Variants in PLCB2 observed in about 807,000 individuals in gnomAD.
PLCB2 encodes 1-phosphatidylinositol 4,5-bisphosphate phosphodiesterase beta-2.
In PLCB2, 115 loss-of-function variants were observed where a neutral mutation model predicts 141.7. That is an observed-to-expected ratio of 0.81 (90% confidence interval 0.70 to 0.95). PLCB2 has a LOEUF of 0.95. Ranked by LOEUF, PLCB2 falls within the 40% of genes least tolerant of loss-of-function variation. The pLI is 0.00. For synonymous variants in PLCB2, 603 were observed against 595.6 expected, an observed-to-expected ratio of 1.01 and a Z score of -0.18; for missense variants, 1,403 against 1,541.1, an observed-to-expected ratio of 0.91 and a Z score of 1.50.
At position 40,294,938 on chromosome 15, in the gene PLCB2, A is replaced by G. The variant is rs373270868; in HGVS notation, c.1904T>C (p.Met635Thr). The change falls in exon 18 of 32, where the codon ATG (methionine) becomes ACG (threonine). Residue 635 changes from methionine to threonine, a missense_variant and splice_region_variant. By Grantham distance (81) the Met-to-Thr change is moderately conservative. Around this residue, in one of 4 missense-constraint regions of PLCB2, gnomAD observed 975 missense variants for 1,141.1 expected, o/e 0.85. Coordinates refer to ENST00000260402, the MANE Select transcript of PLCB2 (RefSeq NM_004573.3). ...TAGGGGCCTGGGAATGCCCTCACCC[A>G]TCGTCTGGAAGTTGAGGGCAACCAT... is the stretch of plus-strand genomic sequence containing the variant. ...CQMVALNFQTMDLPMQQNMAV... is the reference protein window; with the variant it reads ...CQMVALNFQTTDLPMQQNMAV... 1.3e-3 allele frequency: 2,096 copies of G among 1,614,024 alleles called. 35 individuals carry two copies. The South Asian group carries it at 0.021, about 17-fold the overall frequency.
rs2040298771 is a variant in PLCB2 at position 40,297,738 on chromosome 15, A to T, written c.1239-133T>A. ...GCTGGGACTCGAGCAGGAGAACATG[A>T]GGCCTTAGGGTGATTATACTGAGAC... is the stretch of plus-strand genomic sequence containing the variant. On this transcript the variant is annotated intron_variant, in intron 12 of 31. Transcript: ENST00000260402. This position sits in a 1 kb window ranked among gnomAD's most constrained non-coding sequence, Gnocchi z 4.2. 1 of 942,424 alleles carries T rather than the reference A, an allele frequency of 1.1e-6. No individual in the cohort carries two copies. Among genetic ancestry groups the T allele is most frequent in the Non-Finnish European group, 1.7e-6 (1 of 594,586 alleles). 58.4% of individuals were successfully genotyped at this position (942,424 alleles called of 1,614,324 possible). A position where few individuals can be genotyped will look rare whatever the true frequency, so the allele number is the denominator to read the frequency against.
intron 18 of PLCB2, 104 bp from the exon 19 acceptor site, chr15:40,294,524 TG>T (rs2040101257): frequency 8.2e-7 from 1 of 1,226,922 alleles, no homozygotes; most frequent in Non-Finnish European, 1.2e-6. Context: ...ATGGGGAGGT[TG>T]GGTGGACCGT....
At chr15:40,289,710 C>G in intron 30 of PLCB2, 2 of 518,400 alleles carry the variant, frequency 3.9e-6, no homozygotes, top group Non-Finnish European at 6.9e-6. Context: ...CCTCGCCAGT[C>G]CCAGCCTCCC....
At chr15:40,296,470 G>C in intron 15 of PLCB2, 52 bp downstream of exon 15, 1 of 1,613,578 alleles carries the variant, frequency 6.2e-7, no homozygotes. Flanking sequence ...CCCATCCAGG[G>C]GGCTTAACGG....
At chr15:40,298,152 C>A in intron 11 of PLCB2, 71 bp downstream of exon 11, 1 of 1,468,392 alleles carries the variant, frequency 6.8e-7, no homozygotes, top group South Asian at 1.3e-5. Flanking sequence ...AGCCCTCCAA[C>A]CCCTCAAAGC....
At chr15:40,296,238 A>T in intron 16 of PLCB2, 58 bp downstream of exon 16, 2 of 1,338,662 alleles carry the variant, frequency 1.5e-6, no homozygotes, top group Non-Finnish European at 2.1e-6. Flanking sequence ...CCCAAGTCCA[A>T]GGAAGGGGGA....
Position 40,296,735 on chromosome 15 carries a change from C to T in PLCB2, c.1486+11G>A. 2.5e-6 allele frequency: 4 copies of T among 1,611,424 alleles called. No individual in the cohort carries two copies. Among genetic ancestry groups the T allele is most frequent in the Non-Finnish European group, 3.4e-6 (4 of 1,178,174 alleles). On this transcript the variant is annotated intron_variant, in intron 14 of 31. Coordinates refer to ENST00000260402, the MANE Select transcript of PLCB2 (RefSeq NM_004573.3). ...TCCTAATACCCCCCACCATAGTCCT[C>T]CCCGACTCACCTGTGCCCTCACCTG... is the stretch of plus-strand genomic sequence containing the variant.
intron 2 of PLCB2, among the ~76,000 whole-genome samples, chr15:40,303,673 G>A (rs2040642066): frequency 2.0e-5 from 3 of 152,090 alleles, no homozygotes; most frequent in African/African-American, 7.2e-5. Flanking sequence ...CTGCCCAGAG[G>A]CTGGGGCCTA....
intron 16 of PLCB2, among the ~76,000 whole-genome samples, chr15:40,295,523 GGA>G (rs10618189): frequency 0.23 from 35,307 of 152,032 alleles, 4,591 homozygotes; most frequent in African/African-American, 0.33. Context: ...CCATGGATGT[GGA>G]GAGTGAGACC....
In PLCB2 at chr15:40,295,000, G is replaced by A; in HGVS notation, c.1842C>T (p.Asn614=). Residue 614 remains asparagine, a synonymous_variant, in exon 18 of 32, where the codon AAC becomes AAT. Transcript: ENST00000260402. ...YPKGTRMDSS[N]YMPQMFWNAG... ...CATTCCAGAACATCTGGGGCATGTA[G>A]TTGGAGGAGTCCATGCGGGTTCCCT... is the stretch of plus-strand genomic sequence containing the variant. 2 of 1,614,074 alleles carry A rather than the reference G, an allele frequency of 1.2e-6. No individual in the cohort carries two copies. The highest frequency in any genetic ancestry group is 1.1e-5 in the South Asian group (1 of 91,082).
At chr15:40,285,491 T>C (rs142668091), downstream of PLCB2, 548 of 976,648 alleles carry the variant, frequency 5.6e-4, 2 homozygotes, top group African/African-American at 9.2e-3. Flanking sequence ...TTTTATTTTG[T>C]TTTGTTTTGT....
chr15:40,305,515 A>C (rs536434687), intron 1 of PLCB2, among the ~76,000 whole-genome samples: 106 of 152,292 alleles, frequency 7.0e-4, no homozygotes, highest in African/African-American at 2.5e-3. Context: ...CAATGGATGC[A>C]TGGGTATTTG....
chr15:40,290,566 C>G lies in PLCB2; in HGVS notation c.3209+11G>C. On this transcript the variant is annotated intron_variant, in intron 29 of 31. Coordinates refer to ENST00000260402, the MANE Select transcript of PLCB2 (RefSeq NM_004573.3). ...GTCTGCCCAGCCCTGGGCCTCCCCT[C>G]CAGGGCTCACCTCTCCTGGGCCATC... is the stretch of plus-strand genomic sequence containing the variant. 1.2e-6 allele frequency: 2 copies of G among 1,608,230 alleles called. No individual in the cohort carries two copies. Among genetic ancestry groups the G allele is most frequent in the Non-Finnish European group, 1.7e-6 (2 of 1,174,718 alleles).
chr15:40,302,634 G>A (rs745897161), intron 3 of PLCB2, 25 bp from the exon 4 acceptor site: 29 of 1,612,698 alleles, frequency 1.8e-5, no homozygotes, highest in Non-Finnish European at 2.4e-5. Flanking sequence ...GGTATGGTTA[G>A]GATGGAGGTG....
intron 7 of PLCB2, chr15:40,301,253 A>T: frequency 2.9e-6 from 1 of 342,708 alleles, no homozygotes; most frequent in Non-Finnish European, 5.3e-6. Flanking sequence ...ACCAGGAGAA[A>T]ATACTCCATG....
At chr15:40,306,015 C>A (rs2040776771) in intron 1 of PLCB2, among the ~76,000 whole-genome samples, 1 of 152,212 alleles carries the variant, frequency 6.6e-6, no homozygotes, top group Non-Finnish European at 1.5e-5. Context: ...TGAAAAGTGA[C>A]CACTGGACTG....
Position 40,296,846 on chromosome 15 carries a change from G to A in PLCB2, c.1386C>T (p.Asn462=). ...TGGGGCCAGAAAACTGGTTCTTCTT[G>A]TTCTTGATGAGGATCTTGCCCCTGA... is the stretch of plus-strand genomic sequence containing the variant. The part of the protein sequence containing the change: ...EDLRGKILIK[N]KKNQFSGPTS... Residue 462 remains asparagine, a synonymous_variant, in exon 14 of 32, where the codon AAC becomes AAT. Coordinates refer to ENST00000260402, the MANE Select transcript of PLCB2 (RefSeq NM_004573.3). 6.2e-7 allele frequency: 1 copy of A among 1,614,130 alleles called. No individual in the cohort carries two copies. Among genetic ancestry groups the A allele is most frequent in the Admixed American group, 1.7e-5 (1 of 60,012 alleles).
At chr15:40,287,310 C>G (rs2039627051), downstream of PLCB2, among the ~76,000 whole-genome samples, 1 of 152,154 alleles carries the variant, frequency 6.6e-6, no homozygotes, top group Non-Finnish European at 1.5e-5. Context: ...GCAGGAGGAC[C>G]TGTTTACTTT....
Position 40,307,686 on chromosome 15 carries a change from C to A in PLCB2, c.-14G>T. ...GAGCAGAGACATGGTGCCAAGCGTTCCTCTTTGCAGAATCTCAGCAGACAC... is the reference window on the plus strand; with the variant it reads ...GAGCAGAGACATGGTGCCAAGCGTTACTCTTTGCAGAATCTCAGCAGACAC... On this transcript the variant is annotated 5_prime_UTR_variant, in exon 1 of 32. Coordinates refer to ENST00000260402, the MANE Select transcript of PLCB2 (RefSeq NM_004573.3). The A allele has an allele frequency of 6.5e-7, 1 of 1,545,206 alleles. No homozygotes were observed. Among genetic ancestry groups the A allele is most frequent in the Non-Finnish European group, 8.8e-7 (1 of 1,141,894 alleles).
Sources: allele counts gnomAD v4.1 joint callset (sites outside exome capture counted in the v4.1 genomes callset), GRCh38; gene constraint gnomAD v4.1.1; regional missense constraint gnomAD v4.1.1; non-coding constraint Gnocchi (gnomAD v3.1); transcripts MANE v1.5; gene names NCBI Gene and HGNC (gene_info 2026-07-23, HGNC 2026-07-21).